Variants in DCDC1 observed in about 807,000 individuals in gnomAD.
DCDC1 encodes doublecortin domain-containing protein 1.
In DCDC1, 200 loss-of-function variants were observed where a neutral mutation model predicts 178.3. The observed-to-expected ratio is 1.12, with a 90% CI of 1.00 to 1.26. The LOEUF (loss-of-function observed/expected upper bound fraction) is 1.26. DCDC1 is among the 50% of genes most tolerant of loss of function. The probability of loss-of-function intolerance (pLI) is 0.00; values close to 1 mark genes in which losing one functional copy is unlikely to be tolerated. For missense variants in DCDC1, 1,983 were observed against 1,749.2 expected (o/e 1.13, Z -2.38); for synonymous variants, 690 against 604.8 (o/e 1.14, Z -2.07).
At chr11:31,209,868 G>C (rs1360561839) in intron 9 of DCDC1, among the ~76,000 whole-genome samples, 2 of 152,164 alleles carry the variant, frequency 1.3e-5, no homozygotes, top group Non-Finnish European at 2.9e-5. Flanking sequence ...AATGCATAGA[G>C]AGAGATAAAG....
chr11:31,253,959 A>G (rs1337453175), intron 8 of DCDC1, among the ~76,000 whole-genome samples: 1 of 152,212 alleles, frequency 6.6e-6, no homozygotes, highest in Non-Finnish European at 1.5e-5. Context: ...TTGAATTAAG[A>G]AGATGGCATG....
At chr11:30,973,830 T>C (rs1399931958) in intron 20 of DCDC1, among the ~76,000 whole-genome samples, 1 of 152,164 alleles carries the variant, frequency 6.6e-6, no homozygotes, top group Non-Finnish European at 1.5e-5. Context: ...AGACAGGTCA[T>C]GTAGATAGAA....
At chr11:30,989,711 C>A (rs917356813) in intron 20 of DCDC1, among the ~76,000 whole-genome samples, 1 of 152,180 alleles carries the variant, frequency 6.6e-6, no homozygotes, top group Non-Finnish European at 1.5e-5. Flanking sequence ...TCGGAGAAAG[C>A]ATCCTCTTTA....
rs575313201 is a variant in DCDC1 at position 31,082,254 on chromosome 11, C to T, written c.2238-4329G>A. ...CATCTAACGTTAACTAGACATATGA[C>T]CTTTAGTAGATCACTTAGTCTCTAG... On this transcript the variant is annotated intron_variant, in intron 17 of 38. Transcript: ENST00000684477. Among the ~76,000 whole-genome samples the T allele has an allele frequency of 6.6e-5, 10 of 152,140 alleles. 1 individual carries two copies. In the South Asian group the frequency reaches 2.1e-3, roughly 32 times the overall value.
intron 3 of DCDC1, among the ~76,000 whole-genome samples, chr11:31,310,465 C>T (rs915592411): frequency 2.0e-5 from 3 of 151,664 alleles, no homozygotes; most frequent in African/African-American, 7.3e-5. Context: ...ACTACAGGCG[C>T]ATGCAACCAC....
chr11:31,359,507 C>T (rs1239895415), intron 1 of DCDC1, among the ~76,000 whole-genome samples: 2 of 151,682 alleles, frequency 1.3e-5, no homozygotes, highest in Non-Finnish European at 2.9e-5. Flanking sequence ...GTGGGTGCAG[C>T]GCACCAGCAT....
intron 11 of DCDC1, among the ~76,000 whole-genome samples, chr11:31,119,874 A>C (rs1400814110): frequency 6.6e-6 from 1 of 152,190 alleles, no homozygotes; most frequent in Non-Finnish European, 1.5e-5. Context: ...TAAAAAGGTA[A>C]GAAGATGAAC....
intron 20 of DCDC1, among the ~76,000 whole-genome samples, chr11:31,062,933 T>C (rs1382592295): frequency 7.0e-6 from 1 of 142,914 alleles, no homozygotes; most frequent in Non-Finnish European, 1.5e-5. Context: ...TCTCCTAATG[T>C]TATCCCTCCC....
chr11:30,887,940 T>C (rs1365881847), intron 36 of DCDC1, among the ~76,000 whole-genome samples: 1 of 142,722 alleles, frequency 7.0e-6, no homozygotes, highest in African/African-American at 2.6e-5. Context: ...AAGGTGGAGG[T>C]TGCAGTGAGC....
chr11:31,018,626 T>C (rs1432713195), intron 20 of DCDC1, among the ~76,000 whole-genome samples: 1 of 152,136 alleles, frequency 6.6e-6, no homozygotes, highest in Non-Finnish European at 1.5e-5. Flanking sequence ...AGTTGAAAAC[T>C]GAGAAAAAGG....
chr11:30,958,629 G>A (rs533762852), intron 20 of DCDC1, among the ~76,000 whole-genome samples: 1 of 152,252 alleles, frequency 6.6e-6, no homozygotes, highest in African/African-American at 2.4e-5. Context: ...TTACATGGTG[G>A]TGTGTCCTTA....
intron 8 of DCDC1, among the ~76,000 whole-genome samples, chr11:31,256,300 C>T (rs1445943235): frequency 6.6e-6 from 1 of 152,118 alleles, no homozygotes; most frequent in Non-Finnish European, 1.5e-5. Context: ...AGAGTACAGT[C>T]CAATCCTCCA....
chr11:31,222,707 G>C lies in DCDC1; in HGVS notation c.1221+18743C>G, dbSNP rs540157243. 2.3e-3 allele frequency among the ~76,000 whole-genome samples: 348 copies of C among 152,208 alleles called. 1 individual carries two copies. The highest frequency in any genetic ancestry group is 4.1e-3 in the Non-Finnish European group (281 of 68,020). On this transcript the variant is annotated intron_variant, in intron 9 of 38. Transcript: ENST00000684477. ...GTCTCTGAGGGCTCTCTTCTGGCTCGAAGATGGCTGTCTTCTGGCAGTGTT... is the reference window on the plus strand; with the variant it reads ...GTCTCTGAGGGCTCTCTTCTGGCTCCAAGATGGCTGTCTTCTGGCAGTGTT...
intron 8 of DCDC1, among the ~76,000 whole-genome samples, chr11:31,243,418 A>G (rs1212986823): frequency 6.6e-6 from 1 of 151,764 alleles, no homozygotes; most frequent in Non-Finnish European, 1.5e-5. Flanking sequence ...TTAAGTTGAA[A>G]TAAAGTTTAA....
At chr11:31,170,158 T>C (rs1022996848) in intron 9 of DCDC1, among the ~76,000 whole-genome samples, 17 of 152,298 alleles carry the variant, frequency 1.1e-4, no homozygotes, top group African/African-American at 3.8e-4. Context: ...TGGGGCACCA[T>C]CTAGGAGCTA....
intron 38 of DCDC1, among the ~76,000 whole-genome samples, chr11:30,877,858 T>C (rs548926598): frequency 5.3e-5 from 8 of 152,270 alleles, no homozygotes; most frequent in Admixed American, 5.2e-4. Context: ...TCAAATTTAG[T>C]GTCTAGTGGT....
At chr11:30,911,187 C>G in intron 28 of DCDC1, 140 bp downstream of exon 28, 1 of 689,304 alleles carries the variant, frequency 1.5e-6, no homozygotes, top group South Asian at 1.9e-5. Flanking sequence ...AAAATCTAGG[C>G]AGACTATTGT....
chr11:31,016,524 T>G (rs975014645), intron 20 of DCDC1, among the ~76,000 whole-genome samples: 2 of 152,182 alleles, frequency 1.3e-5, no homozygotes, highest in Non-Finnish European at 2.9e-5. Flanking sequence ...AAACTGAAGA[T>G]GTATTAACTG....
chr11:31,146,814 C>T (rs1964505383), intron 9 of DCDC1, among the ~76,000 whole-genome samples: 2 of 152,150 alleles, frequency 1.3e-5, no homozygotes. Context: ...GCCATCTTTC[C>T]TTGAGTATGC....
Sources: allele counts gnomAD v4.1 joint callset (sites outside exome capture counted in the v4.1 genomes callset), GRCh38; gene constraint gnomAD v4.1.1; transcripts MANE v1.5; gene names NCBI Gene and HGNC (gene_info 2026-07-23, HGNC 2026-07-21).